Variants in LRRC37A3 observed in about 807,000 individuals in gnomAD.
The protein encoded by LRRC37A3 is leucine rich repeat containing 37 member A3, also known as leucine-rich repeat-containing protein 37A3.
LRRC37A3 carries 25 observed loss-of-function variants against 106.2 expected under a neutral mutation model. That is an observed-to-expected ratio of 0.24 (90% confidence interval 0.17 to 0.33). The LOEUF is 0.33. Among genes scored for constraint, LRRC37A3 ranks in the 10% least tolerant of loss-of-function variants. The probability of loss-of-function intolerance (pLI) is 1.00; values close to 1 mark genes in which losing one functional copy is unlikely to be tolerated. For synonymous variants in LRRC37A3, 305 were observed against 635.8 expected (o/e 0.48, Z 7.83); for missense variants, 712 against 1,644.9 (o/e 0.43, Z 9.81).
At chr17:64,873,941 C>T (rs1973410342) in intron 8 of LRRC37A3, among the ~76,000 whole-genome samples, 2 of 152,080 alleles carry the variant, frequency 1.3e-5, no homozygotes, top group Non-Finnish European at 2.9e-5. Flanking sequence ...ATTCAAGAAG[C>T]TCAAGGAACT....
chr17:64,881,042 G>C (rs368997099), intron 8 of LRRC37A3: 1 of 688,830 alleles, frequency 1.5e-6, no homozygotes, highest in South Asian at 1.5e-5. Context: ...ATAAGCAGAT[G>C]ACCTAGACCC....
intron 13 of LRRC37A3, among the ~76,000 whole-genome samples, chr17:64,856,136 C>T (rs895358629): frequency 2.7e-4 from 41 of 152,136 alleles, no homozygotes; most frequent in African/African-American, 9.4e-4. Context: ...ATGCTCAATC[C>T]CTTACACATA....
chr17:64,880,007 C>T (rs1405852895), intron 8 of LRRC37A3, among the ~76,000 whole-genome samples: 6 of 152,006 alleles, frequency 3.9e-5, no homozygotes, highest in African/African-American at 1.5e-4. Context: ...CCAACCTTCC[C>T]TCTTTCTTGA....
At chr17:64,866,298 G>A (rs1476745746) in intron 10 of LRRC37A3, among the ~76,000 whole-genome samples, 5 of 152,024 alleles carry the variant, frequency 3.3e-5, no homozygotes, top group Non-Finnish European at 7.3e-5. Context: ...GCTGAGGAAA[G>A]TGAGGCTAGA....
intron 9 of LRRC37A3, among the ~76,000 whole-genome samples, chr17:64,868,772 C>T (rs938803279): frequency 1.3e-5 from 2 of 152,070 alleles, no homozygotes; most frequent in African/African-American, 4.8e-5. Context: ...TCATATTGCA[C>T]TCACCATCTT....
intron 14 of LRRC37A3, among the ~76,000 whole-genome samples, chr17:64,855,458 C>T (rs928378199): frequency 5.3e-5 from 8 of 150,240 alleles, no homozygotes; most frequent in African/African-American, 1.5e-4. Context: ...CCCCACCTCC[C>T]GAAAGGGCTG....
intron 4 of LRRC37A3, among the ~76,000 whole-genome samples, chr17:64,893,623 C>T (rs1230055453): frequency 7.5e-6 from 1 of 133,382 alleles, no homozygotes; most frequent in Non-Finnish European, 1.6e-5. Context: ...CCTTTTTATG[C>T]CTATTCTCTT....
chr17:64,912,561 A>G (rs1974613284), intron 2 of LRRC37A3, among the ~76,000 whole-genome samples: 1 of 152,176 alleles, frequency 6.6e-6, no homozygotes, highest in African/African-American at 2.4e-5. Flanking sequence ...CAGTTAATCC[A>G]AAAATAGGCA....
intron 8 of LRRC37A3, chr17:64,871,899 C>G (rs953227496): frequency 6.6e-5 from 10 of 152,104 alleles, no homozygotes; most frequent in Admixed American, 3.3e-4. Context: ...TTTGGGAGAC[C>G]GAGGCAGGCG....
chr17:64,862,998 G>A lies in LRRC37A3; in HGVS notation c.3074C>T (p.Ala1025Val), dbSNP rs1436244995. 4 of 1,598,014 alleles carry A rather than the reference G, an allele frequency of 2.5e-6. No homozygotes were observed. Among genetic ancestry groups the A allele is most frequent in the Non-Finnish European group, 3.4e-6 (4 of 1,179,776 alleles). Reference protein sequence around the residue: ...LEKLIVPSHMACCLCQFKNSI... With the variant: ...LEKLIVPSHMVCCLCQFKNSI... ...GTTTTTAAATTGGCAGAGGCAGCAG[G>A]CCATATGGCTAGGTACGATCCTATA... Residue 1025 changes from alanine to valine, a missense_variant, in exon 11 of 15, where the codon GCC (alanine) becomes GTC (valine). Transcript: ENST00000584306.
At chr17:64,877,899 C>A (rs957316743) in intron 8 of LRRC37A3, among the ~76,000 whole-genome samples, 1 of 151,476 alleles carries the variant, frequency 6.6e-6, no homozygotes, top group African/African-American at 2.4e-5. Context: ...AACAATTCTA[C>A]GTGGAAATAA....
At position 64,860,395 on chromosome 17, in the gene LRRC37A3, A is replaced by G; in HGVS notation, c.3751T>C (p.Phe1251Leu). The G allele has an allele frequency of 6.2e-7, 1 of 1,613,908 alleles. No homozygotes were observed. Among genetic ancestry groups the G allele is most frequent in the Non-Finnish European group, 8.5e-7 (1 of 1,179,856 alleles). Residue 1251 changes from phenylalanine (F) to leucine (L), a missense_variant, in exon 12 of 15, where the codon TTC becomes CTC. Transcript: ENST00000584306. Reference protein sequence around the residue: ...HKAAVSVLKPFSKGAPSTSSP... With the variant: ...HKAAVSVLKPLSKGAPSTSSP... ...GAGGTAGAAGGCGCGCCCTTGGAGAAGGGTTTCAGCACAGAGACTGCTGCC... is the reference window on the plus strand; with the variant it reads ...GAGGTAGAAGGCGCGCCCTTGGAGAGGGGTTTCAGCACAGAGACTGCTGCC...
chr17:64,918,635 G>C (rs1342907452), intron 2 of LRRC37A3, 115 bp downstream of exon 2: 1 of 187,598 alleles, frequency 5.3e-6, no homozygotes, highest in Non-Finnish European at 1.2e-5. Context: ...CCCCCTAGCA[G>C]AGCAGGTATT....
chr17:64,862,105 T>TA (rs35421412), intron 11 of LRRC37A3, among the ~76,000 whole-genome samples: 8,986 of 123,126 alleles, frequency 0.073, 489 homozygotes, highest in Admixed American at 0.24. Flanking sequence ...ACATAATTGG[T>TA]AAAAAAAAAA....
intron 2 of LRRC37A3, among the ~76,000 whole-genome samples, chr17:64,908,971 C>T (rs1352237757): frequency 2.6e-5 from 4 of 151,872 alleles, no homozygotes; most frequent in African/African-American, 9.7e-5. Flanking sequence ...GACGGGGTCT[C>T]ACCATGTTAG....
At chr17:64,877,676 T>A (rs1205945609) in intron 8 of LRRC37A3, among the ~76,000 whole-genome samples, 44 of 152,302 alleles carry the variant, frequency 2.9e-4, no homozygotes, top group Non-Finnish European at 2.9e-5. Context: ...AAAATAATAA[T>A]GCAATTTAAG....
intron 10 of LRRC37A3, among the ~76,000 whole-genome samples, chr17:64,865,955 A>G (rs1178503779): frequency 6.6e-6 from 1 of 152,104 alleles, no homozygotes; most frequent in Non-Finnish European, 1.5e-5. Flanking sequence ...AAATGACCTG[A>G]GGTATACTTG....
At chr17:64,858,609 T>C (rs1972760156) in intron 13 of LRRC37A3, among the ~76,000 whole-genome samples, 170 bp downstream of exon 13, 1 of 152,224 alleles carries the variant, frequency 6.6e-6, no homozygotes, top group African/African-American at 2.4e-5. Flanking sequence ...TTAAAAATCC[T>C]GAAATATACA....
intron 8 of LRRC37A3, among the ~76,000 whole-genome samples, chr17:64,883,142 C>T (rs1387786677): frequency 6.6e-6 from 1 of 152,234 alleles, no homozygotes; most frequent in Non-Finnish European, 1.5e-5. Flanking sequence ...TGATAGTTAG[C>T]CGCCTGGTCC....
Sources: allele counts gnomAD v4.1 joint callset (sites outside exome capture counted in the v4.1 genomes callset), GRCh38; gene constraint gnomAD v4.1.1; transcripts MANE v1.5; gene names NCBI Gene and HGNC (gene_info 2026-07-23, HGNC 2026-07-21).